Variants in CACNA1D observed in about 807,000 individuals in gnomAD.
The protein encoded by CACNA1D is voltage-dependent L-type calcium channel subunit alpha-1D.
In CACNA1D, 55 loss-of-function variants were observed where a neutral mutation model predicts 257.1. The ratio of observed to expected loss-of-function variants is 0.21; its 90% confidence interval spans 0.17 to 0.27. The LOEUF is 0.27. CACNA1D is among the 10% of genes least tolerant of loss of function. The pLI, the probability that CACNA1D is intolerant of heterozygous loss-of-function variation, is 1.00. For synonymous variants in CACNA1D, 980 were observed against 1,014.9 expected (o/e 0.97, Z 0.65); for missense variants, 1,876 against 2,784.0 (o/e 0.67, Z 7.34).
Position 53,800,727 on chromosome 3 carries a change from C to A in CACNA1D, c.5041-331C>A, listed in dbSNP as rs2095532308. The stretch of plus-strand genomic sequence containing the variant: ...TGATCTGCCAGCTGGCTGTCAGTCC[C>A]CCAGCCCAGAGAGCATGCCCAACCT... On this transcript the variant is annotated intron_variant, in intron 41 of 47. Transcript: ENST00000350061. This position sits in a 1 kb window ranked among gnomAD's most constrained non-coding sequence, Gnocchi z 4.3. 2 of 503,780 alleles carry A rather than the reference C, an allele frequency of 4.0e-6. No individual in the cohort carries two copies. The highest frequency in any genetic ancestry group is 7.2e-6 in the Non-Finnish European group (2 of 276,998). 31.2% of individuals were successfully genotyped at this position (503,780 alleles called of 1,614,324 possible).
intron 16 of CACNA1D, 113 bp from the exon 17 acceptor site, chr3:53,730,961 TTTC>T: frequency 1.4e-6 from 1 of 721,428 alleles, no homozygotes; most frequent in South Asian, 1.6e-5. Flanking sequence ...GTTAGTGTTG[TTTC>T]TAATTAAATT....
At chr3:53,506,571 A>G (rs2090855429) in intron 3 of CACNA1D, among the ~76,000 whole-genome samples, 1 of 152,254 alleles carries the variant, frequency 6.6e-6, no homozygotes, top group African/African-American at 2.4e-5. Context: ...ACGTCAAATG[A>G]GTGAATAAAT....
chr3:53,780,227 AG>A, intron 38 of CACNA1D, 99 bp downstream of exon 38: 1 of 968,024 alleles, frequency 1.0e-6, no homozygotes. Flanking sequence ...GGCCAAGGGG[AG>A]GCCCTGGGGA....
chr3:53,792,316 G>C (rs146379393), intron 40 of CACNA1D: 2 of 152,332 alleles, frequency 1.3e-5, no homozygotes, highest in East Asian at 3.9e-4. Context: ...CCAAGTGGTG[G>C]TTGGAGTCTG....
chr3:53,658,745 GAA>G (rs762126218), intron 4 of CACNA1D, among the ~76,000 whole-genome samples: 10 of 152,220 alleles, frequency 6.6e-5, no homozygotes, highest in Non-Finnish European at 1.3e-4. Context: ...AAACTATGCT[GAA>G]GAGAGAGAAG....
chr3:53,508,284 A>G (rs929371661), intron 3 of CACNA1D, among the ~76,000 whole-genome samples: 19 of 151,878 alleles, frequency 1.3e-4, no homozygotes, highest in African/African-American at 4.6e-4. Context: ...TGCATTAGCT[A>G]TTTATCCTGA....
intron 3 of CACNA1D, among the ~76,000 whole-genome samples, chr3:53,623,063 T>C (rs922412981): frequency 6.6e-6 from 1 of 152,190 alleles, no homozygotes; most frequent in African/African-American, 2.4e-5. Flanking sequence ...GGCTAATTTT[T>C]TGTATTTTTA....
At chr3:53,689,878 C>T (rs571525223) in intron 8 of CACNA1D, among the ~76,000 whole-genome samples, 1 of 152,230 alleles carries the variant, frequency 6.6e-6, no homozygotes, top group African/African-American at 2.4e-5. Flanking sequence ...CCTGGCTGGT[C>T]TCAGGTTCTG....
chr3:53,738,399 G>T (rs2108801873), intron 20 of CACNA1D, among the ~76,000 whole-genome samples: 1 of 152,326 alleles, frequency 6.6e-6, no homozygotes, highest in Non-Finnish European at 1.5e-5. Flanking sequence ...TGTCCTCACA[G>T]ATTAGGGTTT....
chr3:53,730,134 G>T (rs77138356), intron 15 of CACNA1D, among the ~76,000 whole-genome samples: 2 of 152,056 alleles, frequency 1.3e-5, no homozygotes, highest in Admixed American at 6.5e-5. Flanking sequence ...CTATAGATAC[G>T]TAGATGTTTG....
chr3:53,548,373 A>ATTTTTTTTTTTTTTTTTTTTTTTTTTTTT (rs1278474628), intron 3 of CACNA1D, among the ~76,000 whole-genome samples: 1 of 127,468 alleles, frequency 7.8e-6, no homozygotes, highest in Non-Finnish European at 1.6e-5. Context: ...TTTTTTTTTA[A>ATTTTTTTTTTTTTTTTTTTTTTTTTTTTT]AAATTATCTT....
rs114158895 is a variant in CACNA1D, at chr3:53,769,480, C to T, written c.3871-493C>T. 5.0e-3 allele frequency among the ~76,000 whole-genome samples: 756 copies of T among 152,332 alleles called. 8 individuals are homozygous for T. The highest frequency in any genetic ancestry group is 0.018 in the African/African-American group (728 of 41,576). On this transcript the variant is annotated intron_variant, in intron 30 of 47. Transcript: ENST00000350061. ...CTAAGAGGCTGTTGTCAGACATACA[C>T]CACCCAGGCGTTTAGTCTCATAGGA...
rs1425686360 is a variant in CACNA1D, at chr3:53,673,124, C to T, written c.1218C>T (p.Ser406=). 7.1e-6 allele frequency: 11 copies of T among 1,542,318 alleles called. No individual in the cohort carries two copies. The highest frequency in any genetic ancestry group is 2.7e-5 in the African/African-American group (2 of 72,776). Residue 406 remains serine, a splice_region_variant and synonymous_variant, in exon 8 of 48, where the codon AGC becomes AGT. Coordinates refer to ENST00000350061, the MANE Select transcript of CACNA1D (RefSeq NM_001128840.3). The surrounding 1 kb of genome is among the most constrained non-coding windows in gnomAD (Gnocchi z 4.1). Reference sequence around the variant, plus strand: ...TAAATCTTGTACTTGGTGTATTGAGCGGGTAAGCTACACCTCTTTCATCTT... The same window carrying T: ...TAAATCTTGTACTTGGTGTATTGAGTGGGTAAGCTACACCTCTTTCATCTT... ...FVLNLVLGVL[S]GEFSKEREKA...
At position 53,651,366 on chromosome 3, in the gene CACNA1D, C is replaced by CTTTTTTTTTTTTTTTTT. The variant is rs779207160; in HGVS notation, c.623+454_623+470dup. Among the ~76,000 whole-genome samples, 192 of 81,844 alleles carry CTTTTTTTTTTTTTTTTT rather than the reference C, an allele frequency of 2.3e-3. 27 individuals carry two copies. Among genetic ancestry groups the CTTTTTTTTTTTTTTTTT allele is most frequent in the African/African-American group, 2.6e-3 (59 of 22,544 alleles). 53.7% of individuals were successfully genotyped at this position (81,844 alleles called of 152,430 possible). A position where few individuals can be genotyped will look rare whatever the true frequency, so the allele number is the denominator to read the frequency against. Reference sequence around the variant, plus strand: ...TCCCTTGAGCAAAGCTATTAATTTTCTTTTTTTTTTTTTTTTTTTTTTGCT... The same window carrying CTTTTTTTTTTTTTTTTT: ...TCCCTTGAGCAAAGCTATTAATTTTCTTTTTTTTTTTTTTTTTTTTTTTTTTTTTTTTTTTTTTTGCT... On this transcript the variant is annotated intron_variant, in intron 4 of 47. Transcript: ENST00000350061.
chr3:53,614,941 CT>C (rs1217382430), intron 3 of CACNA1D, among the ~76,000 whole-genome samples: 1 of 152,176 alleles, frequency 6.6e-6, no homozygotes, highest in Non-Finnish European at 1.5e-5. Flanking sequence ...CTAAATTGTA[CT>C]TCAGTAAGTT....
chr3:53,760,363 A>T (rs1364816816), intron 29 of CACNA1D, among the ~76,000 whole-genome samples: 2 of 152,158 alleles, frequency 1.3e-5, no homozygotes, highest in Non-Finnish European at 2.9e-5. Context: ...TTTGATCACA[A>T]GTTTCTGGGA....
intron 8 of CACNA1D, among the ~76,000 whole-genome samples, chr3:53,675,620 G>C (rs1002890493): frequency 2.0e-5 from 3 of 151,986 alleles, no homozygotes; most frequent in East Asian, 1.9e-4. Context: ...AAAGATGGGC[G>C]GGGGGGCTTC....
chr3:53,579,819 C>T (rs1433762817), intron 3 of CACNA1D, among the ~76,000 whole-genome samples: 1 of 152,158 alleles, frequency 6.6e-6, no homozygotes, highest in Non-Finnish European at 1.5e-5. Context: ...CAGACACAGG[C>T]AAAGCACTTT....
chr3:53,654,085 A>G (rs1026042353), intron 4 of CACNA1D, among the ~76,000 whole-genome samples: 1 of 152,090 alleles, frequency 6.6e-6, no homozygotes, highest in East Asian at 1.9e-4. Flanking sequence ...CAAAATCAAA[A>G]TTTTTTCAGA....
Sources: gnomAD v4.1 joint callset for allele counts (sites outside exome capture counted in the v4.1 genomes callset) on GRCh38, gnomAD v4.1.1 for gene constraint, Gnocchi (gnomAD v3.1) non-coding constraint, MANE v1.5 for transcripts, NCBI Gene and HGNC (gene_info 2026-07-23, HGNC 2026-07-21) for gene names.